The following DIP2C variants were observed in gnomAD, a reference collection of about 807,000 sequenced individuals.
DIP2C encodes disco-interacting protein 2 homolog C.
In DIP2C, 33 loss-of-function variants were observed where a neutral mutation model predicts 192.4. That is an observed-to-expected ratio of 0.17 (90% CI 0.13 to 0.23). The LOEUF (loss-of-function observed/expected upper bound fraction) is 0.23, where lower values mean the gene tolerates loss of function less well. DIP2C is among the 10% of genes least tolerant of loss of function. DIP2C has a pLI of 1.00. For synonymous variants in DIP2C, 979 were observed against 864.1 expected (o/e 1.13, Z -2.33); for missense variants, 1,537 against 2,110.1 (o/e 0.73, Z 5.32).
At chr10:593,707 C>G (rs1851537956) in intron 1 of DIP2C, among the ~76,000 whole-genome samples, 1 of 152,186 alleles carries the variant, frequency 6.6e-6, no homozygotes, top group Middle Eastern at 3.2e-3. Context: ...ACCACCTGAA[C>G]ACAGCAAGTG....
At chr10:533,252 T>C (rs1847518274) in intron 1 of DIP2C, among the ~76,000 whole-genome samples, 1 of 152,004 alleles carries the variant, frequency 6.6e-6, no homozygotes, top group African/African-American at 2.4e-5. Context: ...CACATTGAAA[T>C]TCCCGTGTTA....
chr10:547,756 A>C (rs1477151407), intron 1 of DIP2C, among the ~76,000 whole-genome samples: 1 of 152,148 alleles, frequency 6.6e-6, no homozygotes, highest in African/African-American at 2.4e-5. Context: ...ATCATCTCTC[A>C]GTTTATACAT....
At chr10:547,152 C>T (rs988361427) in intron 1 of DIP2C, among the ~76,000 whole-genome samples, 1 of 152,196 alleles carries the variant, frequency 6.6e-6, no homozygotes, top group African/African-American at 2.4e-5. Context: ...CCAGAGGGAA[C>T]CCGGAATCCC....
At chr10:517,312 C>A (rs1380037781) in intron 1 of DIP2C, among the ~76,000 whole-genome samples, 1 of 152,218 alleles carries the variant, frequency 6.6e-6, no homozygotes, top group African/African-American at 2.4e-5. Context: ...ATGACACCCC[C>A]ACTATGGTAG....
At chr10:437,298 A>G (rs113903816) in intron 4 of DIP2C, among the ~76,000 whole-genome samples, 11 of 132,574 alleles carry the variant, frequency 8.3e-5, no homozygotes, top group African/African-American at 1.2e-4. Flanking sequence ...GATATGCTCC[A>G]CCCACACCTG....
intron 1 of DIP2C, among the ~76,000 whole-genome samples, chr10:592,291 G>C (rs2131642831): frequency 6.6e-6 from 1 of 152,244 alleles, no homozygotes; most frequent in East Asian, 1.9e-4. Flanking sequence ...CAGTTTGTGT[G>C]GCTGTAATGA....
Position 440,944 on chromosome 10 carries a change from C to T in DIP2C, c.321G>A (p.Lys107=). The T allele has an allele frequency of 6.2e-7, 1 of 1,613,880 alleles. No individual in the cohort carries two copies. The highest frequency in any genetic ancestry group is 1.3e-5 in the African/African-American group (1 of 75,066). The change falls in exon 4 of 37, where the codon AAG becomes AAA. Residue 107 remains lysine (K), a synonymous_variant. Transcript: ENST00000280886. ...QAALAKHKER[K]MAVPMPSKRR... ...GTTTGGAAGGCATAGGCACTGCCAT[C>T]TTCCGCTCTTTGTGTTTGGCCAGAG... is the stretch of plus-strand genomic sequence containing the variant.
chr10:480,862 C>T (rs913061008), intron 2 of DIP2C, among the ~76,000 whole-genome samples: 2 of 152,234 alleles, frequency 1.3e-5, no homozygotes, highest in African/African-American at 4.8e-5. Flanking sequence ...TCACCTGTCA[C>T]TACAGCAACG....
intron 1 of DIP2C, among the ~76,000 whole-genome samples, chr10:624,171 G>A (rs999464591): frequency 1.3e-5 from 2 of 152,206 alleles, no homozygotes; most frequent in African/African-American, 4.8e-5. Context: ...CACATGGATG[G>A]AGGGATCTGT....
chr10:533,650 CAAAA>C (rs534651561), intron 1 of DIP2C, among the ~76,000 whole-genome samples: 7 of 122,620 alleles, frequency 5.7e-5, no homozygotes, highest in African/African-American at 2.0e-4. Flanking sequence ...AGATACCTAC[CAAAA>C]AAAAAAAAAA....
At chr10:541,903 C>T (rs912056451) in intron 1 of DIP2C, among the ~76,000 whole-genome samples, 3 of 152,218 alleles carry the variant, frequency 2.0e-5, no homozygotes, top group Admixed American at 6.5e-5. Context: ...CTCACCTTCT[C>T]GTCGGGTCAA....
intron 1 of DIP2C, among the ~76,000 whole-genome samples, chr10:626,858 T>C (rs1854236697): frequency 1.3e-5 from 2 of 152,358 alleles, no homozygotes; most frequent in African/African-American, 2.4e-5. Context: ...CTACAACTGT[T>C]TGGACCATTC....
chr10:406,489 A>G (rs971715240), intron 9 of DIP2C, among the ~76,000 whole-genome samples: 3 of 152,210 alleles, frequency 2.0e-5, no homozygotes, highest in East Asian at 1.9e-4. Flanking sequence ...TGTGAAAATG[A>G]TAACTGAGGA....
At chr10:308,869 G>A (rs968951718) in intron 32 of DIP2C, among the ~76,000 whole-genome samples, 1 of 152,214 alleles carries the variant, frequency 6.6e-6, no homozygotes, top group African/African-American at 2.4e-5. Context: ...CCTGGCGTGT[G>A]AGCTCTCAGC....
chr10:605,085 T>A (rs557650453), intron 1 of DIP2C, among the ~76,000 whole-genome samples: 1 of 152,236 alleles, frequency 6.6e-6, no homozygotes, highest in African/African-American at 2.4e-5. Flanking sequence ...GTCAGCATCA[T>A]GCGTGCCTGA....
intron 1 of DIP2C, among the ~76,000 whole-genome samples, chr10:552,971 G>T (rs1436994794): frequency 6.6e-6 from 1 of 152,264 alleles, no homozygotes; most frequent in African/African-American, 2.4e-5. Context: ...GCAGATGAGG[G>T]AGGGGATCAG....
intron 29 of DIP2C, among the ~76,000 whole-genome samples, chr10:335,675 G>T (rs986718099): frequency 8.0e-4 from 122 of 152,240 alleles, no homozygotes; most frequent in Non-Finnish European, 1.9e-4. Context: ...TATCGCGGAT[G>T]CGGCTCTCTT....
At chr10:593,423 G>T (rs950533586) in intron 1 of DIP2C, among the ~76,000 whole-genome samples, 6 of 148,702 alleles carry the variant, frequency 4.0e-5, no homozygotes, top group Non-Finnish European at 8.9e-5. Flanking sequence ...CCTCACCCCC[G>T]CTGTCTCCCA....
intron 6 of DIP2C, among the ~76,000 whole-genome samples, chr10:418,261 T>C (rs879746525): frequency 7.4e-6 from 1 of 135,134 alleles, no homozygotes; most frequent in African/African-American, 2.8e-5. Flanking sequence ...TCACTGCACC[T>C]GTCAGGCCTC....
Sources: gnomAD v4.1 joint callset for allele counts (sites outside exome capture counted in the v4.1 genomes callset) on GRCh38, gnomAD v4.1.1 for gene constraint, MANE v1.5 for transcripts, NCBI Gene and HGNC (gene_info 2026-07-23, HGNC 2026-07-21) for gene names.